Variants in ZDHHC15 observed in about 807,000 individuals in gnomAD.
ZDHHC15 encodes zDHHC palmitoyltransferase 15, also known as palmitoyltransferase ZDHHC15.
A neutral mutation model predicts 31.7 loss-of-function variants in ZDHHC15; 19 were observed. That is an observed-to-expected ratio of 0.60 (90% CI 0.42 to 0.88). The LOEUF (loss-of-function observed/expected upper bound fraction) is 0.88, where lower values mean the gene tolerates loss of function less well. ZDHHC15 is among the 40% of genes least tolerant of loss of function. The pLI is 0.00. For synonymous variants in ZDHHC15, 103 were observed against 90.0 expected (o/e 1.14, Z -0.82); for missense variants, 209 against 251.2 (o/e 0.83, Z 1.14).
intron 2 of ZDHHC15, among the ~76,000 whole-genome samples, chrX:75,496,491 C>T (rs1172390395): frequency 1.8e-5 from 2 of 111,401 alleles, no homozygotes; most frequent in Non-Finnish European, 3.8e-5. Context: ...AAGCTATATA[C>T]CCTACAACAA....
rs112795812 is a variant in ZDHHC15 at position 75,474,452 on chromosome X, C to T, written c.258+4439G>A. ...TCCCCTTTATATATATATATATACA[C>T]ACACACACACACACACACACATATA... On this transcript the variant is annotated intron_variant, in intron 3 of 11. Coordinates refer to ENST00000373367, the MANE Select transcript of ZDHHC15 (RefSeq NM_144969.3). Among the ~76,000 whole-genome samples, 53 of 65,871 alleles carry T rather than the reference C, an allele frequency of 8.0e-4. 2 individuals carry two copies. The highest frequency in any genetic ancestry group is 6.9e-3 in the Admixed American group (33 of 4,783). The allele number at this position is 65,871 out of a possible 115,157, so 57.2% of individuals were successfully genotyped here. A position where few individuals can be genotyped will look rare whatever the true frequency, so the allele number is the denominator to read the frequency against.
intron 4 of ZDHHC15, among the ~76,000 whole-genome samples, chrX:75,447,765 G>C (rs1278199789): frequency 9.0e-6 from 1 of 111,101 alleles, no homozygotes; most frequent in Non-Finnish European, 1.9e-5. Context: ...CTAGTCTAGA[G>C]GTGTTAGTCC....
chrX:75,481,281 T>G (rs1040203017), intron 2 of ZDHHC15, among the ~76,000 whole-genome samples: 2 of 111,981 alleles, frequency 1.8e-5, no homozygotes, highest in Non-Finnish European at 1.9e-5. Flanking sequence ...CCTCTCATTA[T>G]ACACTTCAAG....
At chrX:75,380,675 A>C (rs1272961783) in intron 10 of ZDHHC15, among the ~76,000 whole-genome samples, 4 of 111,327 alleles carry the variant, frequency 3.6e-5, no homozygotes, top group Admixed American at 1.9e-4. Context: ...AAAAAAAATC[A>C]GGCTCTGGGT....
At chrX:75,389,340 A>T (rs755105277) in intron 10 of ZDHHC15, among the ~76,000 whole-genome samples, 2 of 110,725 alleles carry the variant, frequency 1.8e-5, no homozygotes, top group African/African-American at 6.5e-5. Context: ...AAGCCAGTGA[A>T]TGTGGGGTAC....
At chrX:75,422,991 T>A (rs2083667575) in intron 8 of ZDHHC15, among the ~76,000 whole-genome samples, 1 of 76,418 alleles carries the variant, frequency 1.3e-5, no homozygotes, top group Non-Finnish European at 2.3e-5. Context: ...GAGTGTGATG[T>A]TCCCCTTCCT....
At chrX:75,489,310 C>A (rs776296649) in intron 2 of ZDHHC15, among the ~76,000 whole-genome samples, 15 of 112,099 alleles carry the variant, frequency 1.3e-4, no homozygotes, top group Non-Finnish European at 2.4e-4. Context: ...GGGTCCCTGA[C>A]CCCTGAGCAG....
intron 10 of ZDHHC15, among the ~76,000 whole-genome samples, chrX:75,398,113 C>G (rs2083317289): frequency 8.9e-6 from 1 of 112,127 alleles, no homozygotes; most frequent in Non-Finnish European, 1.9e-5. Flanking sequence ...GCCTCACTTC[C>G]ATGGCACCTC....
intron 1 of ZDHHC15, among the ~76,000 whole-genome samples, chrX:75,508,422 T>A (rs2085203999): frequency 9.4e-6 from 1 of 106,154 alleles, no homozygotes; most frequent in Non-Finnish European, 1.9e-5. Flanking sequence ...CTTGCGATAG[T>A]TTGCCGAGAA....
chrX:75,520,235 C>T (rs921616210), intron 1 of ZDHHC15, among the ~76,000 whole-genome samples: 2 of 111,898 alleles, frequency 1.8e-5, no homozygotes, highest in African/African-American at 6.5e-5. Context: ...TTAACTAAAA[C>T]AAACAAATAA....
Position 75,504,836 on chromosome X carries a change from A to G in ZDHHC15, c.163+985T>C, listed in dbSNP as rs1011806936. ...CAAGACTTGCTCTAATTTTGTAATAATGGTAGGAAACATGCACTGATTCAC... is the reference window on the plus strand; with the variant it reads ...CAAGACTTGCTCTAATTTTGTAATAGTGGTAGGAAACATGCACTGATTCAC... On this transcript the variant is annotated intron_variant, in intron 2 of 11. Coordinates refer to ENST00000373367, the MANE Select transcript of ZDHHC15 (RefSeq NM_144969.3). 4.5e-5 allele frequency among the ~76,000 whole-genome samples: 5 copies of G among 111,921 alleles called. No individual in the cohort carries two copies. In the Admixed American group the frequency reaches 4.8e-4, roughly 11 times the overall value.
chrX:75,375,260 T>A (rs956768206), intron 11 of ZDHHC15, among the ~76,000 whole-genome samples: 2 of 112,079 alleles, frequency 1.8e-5, no homozygotes, highest in Non-Finnish European at 3.8e-5. Context: ...AAAAATTGGC[T>A]GACTTAATAG....
chrX:75,383,815 T>C (rs1285304949), intron 10 of ZDHHC15, among the ~76,000 whole-genome samples: 2 of 93,048 alleles, frequency 2.1e-5, no homozygotes, highest in African/African-American at 7.8e-5. Flanking sequence ...CTCGGCTCAC[T>C]GCAAGCTCCG....
At chrX:75,521,212 G>A (rs971995406) in intron 1 of ZDHHC15, among the ~76,000 whole-genome samples, 15 of 110,502 alleles carry the variant, frequency 1.4e-4, no homozygotes, top group African/African-American at 4.9e-4. Flanking sequence ...AGATGAATAG[G>A]GAACATTGTA....
chrX:75,488,752 G>A (rs1485746047), intron 2 of ZDHHC15, among the ~76,000 whole-genome samples: 11 of 111,962 alleles, frequency 9.8e-5, no homozygotes, highest in Non-Finnish European at 2.1e-4. Flanking sequence ...CTGGGTTCAG[G>A]ACAGTGGGTG....
intron 2 of ZDHHC15, among the ~76,000 whole-genome samples, chrX:75,488,741 A>T (rs2084818297): frequency 8.9e-6 from 1 of 111,952 alleles, no homozygotes; most frequent in African/African-American, 3.2e-5. Context: ...AGTGTCGGAA[A>T]CTGGGTTCAG....
At chrX:75,442,439 T>A (rs951663572) in intron 4 of ZDHHC15, among the ~76,000 whole-genome samples, 1 of 112,013 alleles carries the variant, frequency 8.9e-6, no homozygotes, top group Non-Finnish European at 1.9e-5. Flanking sequence ...TAAGCTGATA[T>A]GCAACCTCAG....
At chrX:75,475,221 G>A (rs1275213534) in intron 3 of ZDHHC15, among the ~76,000 whole-genome samples, 1 of 111,664 alleles carries the variant, frequency 9.0e-6, no homozygotes, top group Non-Finnish European at 1.9e-5. Context: ...TTTGACATAT[G>A]AAAATTTTAA....
Position 75,369,162 on chromosome X carries a change from T to C in ZDHHC15, c.*3816A>G, listed in dbSNP as rs2082983528. The C allele has an allele frequency of 8.9e-6, 1 of 112,342 alleles. No individual in the cohort carries two copies. The allele number at this position is 112,342 out of a possible 1,213,427, so 9.3% of individuals were successfully genotyped here. A position where few individuals can be genotyped will look rare whatever the true frequency, so the allele number is the denominator to read the frequency against. On this transcript the variant is annotated 3_prime_UTR_variant, in exon 12 of 12. Transcript: ENST00000373367. ...TCTGTACCGAATCTCTTAGCTACTC[T>C]GAGAGCAGAGATTCTGGAATGTATA... is the stretch of plus-strand genomic sequence containing the variant.
Sources: allele counts gnomAD v4.1 joint callset (sites outside exome capture counted in the v4.1 genomes callset), GRCh38; gene constraint gnomAD v4.1.1; transcripts MANE v1.5; gene names NCBI Gene and HGNC (gene_info 2026-07-23, HGNC 2026-07-21).